RIT2: variants seen among roughly 807,000 people sequenced by gnomAD.
The protein encoded by RIT2 is Ras like without CAAX 2, also known as GTP-binding protein Rit2.
In RIT2, 24 loss-of-function variants were observed where a neutral mutation model predicts 23.7. The observed-to-expected ratio is 1.01, with a 90% CI of 0.73 to 1.43. RIT2 has a LOEUF of 1.43. Among genes scored for constraint, RIT2 ranks in the 40% most tolerant of loss-of-function variants. The pLI, the probability that RIT2 is intolerant of heterozygous loss-of-function variation, is 0.00. For synonymous variants in RIT2, 107 were observed against 91.1 expected (o/e 1.17, Z -0.99); for missense variants, 236 against 266.9 (o/e 0.88, Z 0.81).
intron 2 of RIT2, among the ~76,000 whole-genome samples, chr18:42,981,961 C>T (rs1033469269): frequency 1.3e-5 from 2 of 152,228 alleles, no homozygotes; most frequent in Admixed American, 6.5e-5. Flanking sequence ...TTGCAGTCCA[C>T]GGAAACACTG....
intron 4 of RIT2, among the ~76,000 whole-genome samples, chr18:42,852,324 T>C (rs1907075140): frequency 6.6e-6 from 1 of 152,312 alleles, no homozygotes; most frequent in Middle Eastern, 3.4e-3. Flanking sequence ...TGAAACAAAT[T>C]GAAGGTAGTA....
chr18:42,876,452 C>T (rs117752585), intron 4 of RIT2, among the ~76,000 whole-genome samples: 3,630 of 150,160 alleles, frequency 0.024, 62 homozygotes, highest in Middle Eastern at 0.041. Flanking sequence ...TAAGATGAGA[C>T]AGAAAAGGAA....
intron 4 of RIT2, among the ~76,000 whole-genome samples, chr18:42,813,901 A>G (rs1905920621): frequency 6.6e-6 from 1 of 152,218 alleles, no homozygotes; most frequent in Non-Finnish European, 1.5e-5. Flanking sequence ...TGAGTGCCCA[A>G]ACTGTGGAAG....
intron 4 of RIT2, among the ~76,000 whole-genome samples, chr18:42,780,031 A>C (rs186950014): frequency 1.4e-5 from 2 of 140,850 alleles, no homozygotes; most frequent in East Asian, 4.2e-4. Context: ...ATGCCTAGTC[A>C]AGTCTCAATT....
intron 4 of RIT2, among the ~76,000 whole-genome samples, chr18:42,872,725 A>T (rs1169520719): frequency 6.6e-6 from 1 of 152,252 alleles, no homozygotes; most frequent in East Asian, 1.9e-4. Flanking sequence ...TTAAATAAAC[A>T]TAATTACTTA....
At chr18:43,072,598 G>A (rs749412932) in intron 1 of RIT2, among the ~76,000 whole-genome samples, 2 of 152,170 alleles carry the variant, frequency 1.3e-5, no homozygotes, top group Non-Finnish European at 2.9e-5. Context: ...TTGCTAAGTA[G>A]CTAGGATGGA....
intron 3 of RIT2, among the ~76,000 whole-genome samples, chr18:42,953,787 C>T (rs1371250118): frequency 1.3e-5 from 2 of 152,034 alleles, no homozygotes; most frequent in East Asian, 1.9e-4. Flanking sequence ...TATAAATAAA[C>T]GTTTAAACGA....
At chr18:42,932,276 C>T (rs1598720092) in intron 3 of RIT2, among the ~76,000 whole-genome samples, 1 of 152,220 alleles carries the variant, frequency 6.6e-6, no homozygotes, top group Middle Eastern at 3.4e-3. Flanking sequence ...AGTTACACCT[C>T]CTGAGTGGCT....
At chr18:43,071,076 T>C (rs1261498024) in intron 1 of RIT2, among the ~76,000 whole-genome samples, 1 of 152,222 alleles carries the variant, frequency 6.6e-6, no homozygotes, top group East Asian at 1.9e-4. Flanking sequence ...TTACCAATAA[T>C]TTTCTGGGTT....
chr18:43,071,294 G>C (rs969727046), intron 1 of RIT2, among the ~76,000 whole-genome samples: 1 of 152,126 alleles, frequency 6.6e-6, no homozygotes, highest in Non-Finnish European at 1.5e-5. Flanking sequence ...GCTAGAATCC[G>C]ATGCTTTTAT....
At chr18:42,915,151 T>TAC (rs71918963) in intron 4 of RIT2, among the ~76,000 whole-genome samples, 8,814 of 145,870 alleles carry the variant, frequency 0.06, 539 homozygotes, top group East Asian at 0.3. Context: ...CATATAATTA[T>TAC]ACACACACAC....
chr18:42,922,909 G>A (rs539163908), intron 4 of RIT2, among the ~76,000 whole-genome samples: 2 of 152,216 alleles, frequency 1.3e-5, no homozygotes, highest in East Asian at 1.9e-4. Context: ...TTCTAATTCT[G>A]GAAGGAGGGA....
intron 1 of RIT2, among the ~76,000 whole-genome samples, chr18:43,040,518 C>A (rs1234575135): frequency 1.3e-5 from 2 of 152,098 alleles, no homozygotes; most frequent in African/African-American, 4.8e-5. Context: ...AACTTCAAGG[C>A]CTCCTCTGAG....
intron 1 of RIT2, among the ~76,000 whole-genome samples, chr18:43,050,151 C>T (rs1471345898): frequency 1.3e-5 from 2 of 151,364 alleles, no homozygotes; most frequent in African/African-American, 4.9e-5. Context: ...CTCAGCCTCT[C>T]TAGTAGCTGA....
intron 4 of RIT2, among the ~76,000 whole-genome samples, chr18:42,782,971 C>T (rs773334151): frequency 6.6e-6 from 1 of 152,014 alleles, no homozygotes; most frequent in Non-Finnish European, 1.5e-5. Context: ...ACAGGACAAT[C>T]GTTGATGGGT....
chr18:42,777,036 T>G (rs2143925242), intron 4 of RIT2, among the ~76,000 whole-genome samples: 1 of 152,278 alleles, frequency 6.6e-6, no homozygotes, highest in African/African-American at 2.4e-5. Context: ...TTTGCAATAC[T>G]TTGAACATAT....
intron 4 of RIT2, among the ~76,000 whole-genome samples, chr18:42,836,026 G>A (rs1000401573): frequency 6.6e-5 from 10 of 152,068 alleles, no homozygotes; most frequent in Admixed American, 3.9e-4. Context: ...TTCTAGGTGT[G>A]AATCTTATTT....
At chr18:43,051,213 C>T (rs1912373966) in intron 1 of RIT2, among the ~76,000 whole-genome samples, 1 of 152,082 alleles carries the variant, frequency 6.6e-6, no homozygotes, top group African/African-American at 2.4e-5. Context: ...CAAATCAAAA[C>T]ACGTATTTGG....
chr18:43,062,595 T>C (rs1912673606), intron 1 of RIT2, among the ~76,000 whole-genome samples: 2 of 152,206 alleles, frequency 1.3e-5, no homozygotes, highest in Non-Finnish European at 2.9e-5. Context: ...AGCTACCCTT[T>C]GTCTTCAGAA....
Sources: allele counts gnomAD v4.1 joint callset (sites outside exome capture counted in the v4.1 genomes callset), GRCh38; gene constraint gnomAD v4.1.1; transcripts MANE v1.5; gene names NCBI Gene and HGNC (gene_info 2026-07-23, HGNC 2026-07-21).